Variants in PCSK5 observed in about 807,000 individuals in gnomAD.
PCSK5 encodes the protein proprotein convertase subtilisin/kexin type 5, also known as prohormone convertase 5.
A neutral mutation model predicts 233.2 loss-of-function variants in PCSK5; 129 were observed. The observed-to-expected ratio is 0.55, with a 90% CI of 0.48 to 0.64. The LOEUF (loss-of-function observed/expected upper bound fraction) is 0.64, where lower values mean the gene tolerates loss of function less well. Among genes scored for constraint, PCSK5 ranks in the 30% least tolerant of loss-of-function variants. The pLI, the probability that PCSK5 is intolerant of heterozygous loss-of-function variation, is 0.00. For missense variants in PCSK5, 2,076 were observed against 2,430.1 expected (o/e 0.85, Z 3.06); for synonymous variants, 825 against 879.2 (o/e 0.94, Z 1.09).
intron 33 of PCSK5, among the ~76,000 whole-genome samples, chr9:76,329,590 T>G (rs980765836): frequency 6.6e-6 from 1 of 152,094 alleles, no homozygotes; most frequent in East Asian, 1.9e-4. Flanking sequence ...ATCCCAGCAC[T>G]TTGGGAGGCT....
intron 9 of PCSK5, among the ~76,000 whole-genome samples, chr9:76,130,327 G>C (rs568905867): frequency 6.6e-6 from 1 of 152,274 alleles, no homozygotes; most frequent in East Asian, 1.9e-4. Context: ...ATTTGTCAAA[G>C]AACTTCCTGA....
intron 20 of PCSK5, among the ~76,000 whole-genome samples, chr9:76,220,571 A>G (rs1825696789): frequency 6.7e-6 from 1 of 149,896 alleles, no homozygotes; most frequent in African/African-American, 2.5e-5. Flanking sequence ...TTTTACCTCC[A>G]TCCCACCCCC....
chr9:76,159,061 C>T lies in PCSK5; in HGVS notation c.1509C>T (p.Asn503=). 1 of 1,614,174 alleles carries T rather than the reference C, an allele frequency of 6.2e-7. No individual in the cohort carries two copies. Among genetic ancestry groups the T allele is most frequent in the Non-Finnish European group, 8.5e-7 (1 of 1,180,000 alleles). ...CGGATAACCCCAACCGCCATGTCAA[C>T]TACCTGGAGCACGTCGTTGTGCGCA... ...GCSDNPNRHV[N]YLEHVVVRIT... is the part of the protein sequence containing the mutation. The change falls in exon 12 of 38, where the codon AAC becomes AAT. Residue 503 remains asparagine (N), a synonymous_variant. Transcript: ENST00000674117.
At chr9:76,185,234 T>C (rs1164063353) in intron 17 of PCSK5, among the ~76,000 whole-genome samples, 3 of 152,240 alleles carry the variant, frequency 2.0e-5, no homozygotes, top group Admixed American at 2.0e-4. Context: ...GGTATGCACA[T>C]AGATTTAACA....
chr9:76,262,061 A>G lies in PCSK5; in HGVS notation c.3142+21377A>G, dbSNP rs1238955233. Reference sequence around the variant, plus strand: ...CACTATGTTGAATAGGAGTGGTGAGAGAGGGCATCCCTGTCTTGTGCCAGT... The same window carrying G: ...CACTATGTTGAATAGGAGTGGTGAGGGAGGGCATCCCTGTCTTGTGCCAGT... On this transcript the variant is annotated intron_variant, in intron 24 of 37. Coordinates refer to ENST00000674117, the MANE Select transcript of PCSK5 (RefSeq NM_001372043.1). Among the ~76,000 whole-genome samples, 4 of 152,278 alleles carry G rather than the reference A, an allele frequency of 2.6e-5. No individual in the cohort carries two copies. In the South Asian group the frequency reaches 6.2e-4, roughly 24 times the overall value.
intron 21 of PCSK5, among the ~76,000 whole-genome samples, chr9:76,228,062 C>T (rs983548755): frequency 6.6e-6 from 1 of 151,802 alleles, no homozygotes; most frequent in Non-Finnish European, 1.5e-5. Flanking sequence ...CTCCGCCTCC[C>T]GGGTTCAAGC....
intron 1 of PCSK5, among the ~76,000 whole-genome samples, chr9:75,900,343 G>T (rs1825971846): frequency 6.6e-6 from 1 of 152,146 alleles, no homozygotes; most frequent in Admixed American, 6.5e-5. Context: ...AATAGTATCT[G>T]ACACACAAAT....
intron 5 of PCSK5, among the ~76,000 whole-genome samples, chr9:76,064,773 G>C (rs1026917250): frequency 1.3e-5 from 2 of 150,106 alleles, no homozygotes; most frequent in African/African-American, 4.9e-5. Flanking sequence ...ATCCCAGATG[G>C]GGCGGCGGGG....
intron 24 of PCSK5, among the ~76,000 whole-genome samples, chr9:76,289,394 A>T (rs554700379): frequency 6.6e-6 from 1 of 151,884 alleles, no homozygotes; most frequent in Admixed American, 6.6e-5. Context: ...CTATTTAAAC[A>T]TCCTTCTTTG....
chr9:76,280,133 T>G (rs182566089), intron 24 of PCSK5, among the ~76,000 whole-genome samples: 3 of 152,314 alleles, frequency 2.0e-5, no homozygotes, highest in East Asian at 3.9e-4. Flanking sequence ...TTTTGAACTT[T>G]TCATCATTAT....
At chr9:76,230,183 G>A (rs1439190398) in intron 21 of PCSK5, among the ~76,000 whole-genome samples, 1 of 152,100 alleles carries the variant, frequency 6.6e-6, no homozygotes, top group South Asian at 2.1e-4. Flanking sequence ...GAGAATGTGG[G>A]GTGGGTCGTG....
At chr9:76,051,536 G>A (rs1211465240) in intron 5 of PCSK5, among the ~76,000 whole-genome samples, 1 of 151,980 alleles carries the variant, frequency 6.6e-6, no homozygotes, top group Non-Finnish European at 1.5e-5. Context: ...TTACTTGAAA[G>A]TGTTATATTT....
chr9:75,897,882 A>G (rs545609692), intron 1 of PCSK5, among the ~76,000 whole-genome samples: 2 of 152,272 alleles, frequency 1.3e-5, no homozygotes, highest in South Asian at 2.1e-4. Flanking sequence ...ACTGACACAT[A>G]ATAGGCCCAT....
chr9:76,296,185 G>A (rs1482470928), intron 26 of PCSK5, among the ~76,000 whole-genome samples: 2 of 152,086 alleles, frequency 1.3e-5, no homozygotes, highest in Non-Finnish European at 2.9e-5. Context: ...GGCTGGCCTC[G>A]AACACCTGAC....
Position 76,282,120 on chromosome 9 carries a change from C to CTTTTT in PCSK5, c.3143-10090_3143-10086dup, listed in dbSNP as rs71372059. 1.4e-4 allele frequency among the ~76,000 whole-genome samples: 2 copies of CTTTTT among 14,510 alleles called. 1 individual carries two copies. The highest frequency in any genetic ancestry group is 2.7e-4 in the Non-Finnish European group (2 of 7,350). The allele number at this position is 14,510 out of a possible 152,430, so 9.5% of individuals were successfully genotyped here. ...CTGGAGTGCACCATTCTTTTCTTTG[C>CTTTTT]TTTTTTTTTTTTTTTTTTTTTTTTT... On this transcript the variant is annotated intron_variant, in intron 24 of 37. Transcript: ENST00000674117.
chr9:76,143,270 G>A (rs1263869917), intron 10 of PCSK5, among the ~76,000 whole-genome samples: 2 of 152,116 alleles, frequency 1.3e-5, no homozygotes, highest in Non-Finnish European at 2.9e-5. Flanking sequence ...AGAGGGCTCA[G>A]TGTACAAAAA....
chr9:76,209,543 A>G (rs769705823), intron 20 of PCSK5: 1 of 515,954 alleles, frequency 1.9e-6, no homozygotes, highest in South Asian at 1.4e-5. Flanking sequence ...TGAATGAATT[A>G]CTGAGTGCCT....
chr9:75,994,879 A>G (rs1826944550), intron 3 of PCSK5, among the ~76,000 whole-genome samples: 1 of 152,242 alleles, frequency 6.6e-6, no homozygotes, highest in Non-Finnish European at 1.5e-5. Context: ...CCACTGTTTT[A>G]AGAATAAAAA....
chr9:76,171,581 C>G (rs956067), intron 13 of PCSK5, among the ~76,000 whole-genome samples: 2,846 of 152,240 alleles, frequency 0.019, 85 homozygotes, highest in African/African-American at 0.065. Flanking sequence ...GGTCAGGGGT[C>G]ACGAATATAA....
Sources: allele counts gnomAD v4.1 joint callset (sites outside exome capture counted in the v4.1 genomes callset), GRCh38; gene constraint gnomAD v4.1.1; transcripts MANE v1.5; gene names NCBI Gene and HGNC (gene_info 2026-07-23, HGNC 2026-07-21).